Variants in IL34 observed in about 807,000 individuals in gnomAD.
IL34 encodes interleukin-34.
A neutral mutation model predicts 25.3 loss-of-function variants in IL34; 17 were observed. That is an observed-to-expected ratio of 0.67 (90% confidence interval 0.46 to 1.01). The LOEUF (loss-of-function observed/expected upper bound fraction) is 1.01. IL34 is among the 50% of genes least tolerant of loss of function. The pLI is 0.00. For synonymous variants in IL34, 174 were observed against 140.9 expected (o/e 1.23, Z -1.66); for missense variants, 368 against 312.9 (o/e 1.18, Z -1.33).
At chr16:70,621,567 A>T (rs987139304) in intron 1 of IL34, among the ~76,000 whole-genome samples, 2 of 152,022 alleles carry the variant, frequency 1.3e-5, no homozygotes, top group African/African-American at 4.8e-5. Flanking sequence ...CAGGGGATTG[A>T]TCTCCCAAGG....
At chr16:70,647,086 C>A in intron 1 of IL34, 111 bp downstream of exon 1, 1 of 988,526 alleles carries the variant, frequency 1.0e-6, no homozygotes, top group Non-Finnish European at 1.4e-6. Flanking sequence ...AGTTGCGATG[C>A]TTCCCAGCCG....
intron 1 of IL34, among the ~76,000 whole-genome samples, chr16:70,599,930 T>G (rs2050890805): frequency 6.6e-6 from 1 of 151,998 alleles, no homozygotes; most frequent in African/African-American, 2.4e-5. Context: ...TGCTCCCACC[T>G]CGGCTTCTCA....
At position 70,588,346 on chromosome 16, in the gene IL34, T is replaced by C. The variant is rs190562479; in HGVS notation, c.-401+8297T>C. On this transcript the variant is annotated intron_variant, in intron 1 of 6. Coordinates refer to the IL34 transcript ENST00000429149. ...CCATATCTACTAAAAATACAAAAATTAGCCAGGCGTGGTGGCACATGTCTG... is the reference window on the plus strand; with the variant it reads ...CCATATCTACTAAAAATACAAAAATCAGCCAGGCGTGGTGGCACATGTCTG... 2.0e-3 allele frequency among the ~76,000 whole-genome samples: 298 copies of C among 151,912 alleles called. 2 individuals are homozygous for C. Among genetic ancestry groups the C allele is most frequent in the South Asian group, 7.9e-3 (38 of 4,804 alleles).
Position 70,620,529 on chromosome 16 carries a change from G to A in IL34, c.-400-26019G>A, listed in dbSNP as rs536759173. On this transcript the variant is annotated intron_variant, in intron 1 of 6. Transcript: ENST00000429149. ...CTGGCGAGGAGGGGAGAGGTCAGATGGGTCTGTAGAAAAGGAAGATTAGAA... is the reference window on the plus strand; with the variant it reads ...CTGGCGAGGAGGGGAGAGGTCAGATAGGTCTGTAGAAAAGGAAGATTAGAA... 8.7e-4 allele frequency among the ~76,000 whole-genome samples: 132 copies of A among 152,206 alleles called. 3 individuals carry two copies. Among genetic ancestry groups the A allele is most frequent in the Admixed American group, 8.6e-3 (131 of 15,270 alleles).
At chr16:70,614,113 G>T (rs1279012847) in intron 1 of IL34, among the ~76,000 whole-genome samples, 1 of 151,016 alleles carries the variant, frequency 6.6e-6, no homozygotes, top group East Asian at 1.9e-4. Flanking sequence ...GAACCCAGGA[G>T]TCTGAGGCTG....
intron 1 of IL34, among the ~76,000 whole-genome samples, chr16:70,624,249 C>A (rs2051342788): frequency 6.6e-6 from 1 of 151,790 alleles, no homozygotes; most frequent in South Asian, 2.1e-4. Context: ...GTGTAGCAAG[C>A]TCCTGGGGAA....
At chr16:70,599,026 A>T (rs1428260363) in intron 1 of IL34, among the ~76,000 whole-genome samples, 1 of 152,224 alleles carries the variant, frequency 6.6e-6, no homozygotes, top group Admixed American at 6.5e-5. Flanking sequence ...GTAAGATGTT[A>T]TCTCATGTTC....
At chr16:70,642,271 A>G (rs1416858333), upstream of IL34, among the ~76,000 whole-genome samples, 1 of 148,534 alleles carries the variant, frequency 6.7e-6, no homozygotes, top group Non-Finnish European at 1.5e-5. Flanking sequence ...ACAGAGACAG[A>G]GAGAGTGAGC....
At chr16:70,603,599 G>T (rs2050953163) in intron 1 of IL34, among the ~76,000 whole-genome samples, 2 of 152,212 alleles carry the variant, frequency 1.3e-5, no homozygotes, top group Middle Eastern at 6.8e-3. Flanking sequence ...TAGTGTCAGG[G>T]TCTCACTCTG....
intron 1 of IL34, among the ~76,000 whole-genome samples, chr16:70,611,915 G>A (rs2051096901): frequency 6.6e-6 from 1 of 152,204 alleles, no homozygotes; most frequent in East Asian, 1.9e-4. Context: ...TTCGGGAGGA[G>A]CAGGAGGATT....
chr16:70,591,004 G>A (rs972339027), intron 1 of IL34, among the ~76,000 whole-genome samples: 1 of 152,196 alleles, frequency 6.6e-6, no homozygotes, highest in African/African-American at 2.4e-5. Flanking sequence ...ACCCGGCCCC[G>A]GCCCCAGCCT....
At chr16:70,619,288 G>T (rs986679562) in intron 1 of IL34, among the ~76,000 whole-genome samples, 5 of 152,126 alleles carry the variant, frequency 3.3e-5, no homozygotes, top group Non-Finnish European at 7.4e-5. Context: ...GCCAAGGAGG[G>T]AGTAGAGGTA....
chr16:70,595,458 C>A (rs897819094), intron 1 of IL34, among the ~76,000 whole-genome samples: 1 of 152,014 alleles, frequency 6.6e-6, no homozygotes, highest in Non-Finnish European at 1.5e-5. Flanking sequence ...GTAGCTGGAC[C>A]ACAGGTGTGC....
chr16:70,658,475 T>G (rs955308561), intron 4 of IL34, among the ~76,000 whole-genome samples: 4 of 151,158 alleles, frequency 2.6e-5, no homozygotes, highest in Non-Finnish European at 5.9e-5. Flanking sequence ...CTGCCTGGCC[T>G]CTGTGGTGGC....
At chr16:70,643,598 G>A (rs1230144845), upstream of IL34, among the ~76,000 whole-genome samples, 1 of 152,074 alleles carries the variant, frequency 6.6e-6, no homozygotes, top group Non-Finnish European at 1.5e-5. Context: ...TGGTCTCAAA[G>A]CCCTGGGCTG....
At chr16:70,624,838 G>T (rs1308176428) in intron 1 of IL34, among the ~76,000 whole-genome samples, 1 of 151,584 alleles carries the variant, frequency 6.6e-6, no homozygotes, top group East Asian at 1.9e-4. Flanking sequence ...GAGAGGAGGG[G>T]AGAGGTCAGA....
intron 1 of IL34, among the ~76,000 whole-genome samples, chr16:70,610,203 G>GA (rs532430858): frequency 0.016 from 1,869 of 117,892 alleles, 23 homozygotes; most frequent in Admixed American, 0.037. Context: ...CTCTATCTCA[G>GA]AAAAAAAAAA....
chr16:70,657,203 A>G, intron 4 of IL34, 82 bp downstream of exon 4: 2 of 1,426,078 alleles, frequency 1.4e-6, no homozygotes, highest in African/African-American at 1.4e-5. Context: ...GCCAAAGGCT[A>G]GTGAGGGAAA....
chr16:70,602,983 C>T (rs1164770312), intron 1 of IL34, among the ~76,000 whole-genome samples: 2 of 152,160 alleles, frequency 1.3e-5, no homozygotes, highest in African/African-American at 4.8e-5. Flanking sequence ...GTAGCACCAT[C>T]TCTGTGGCCC....
Sources: gnomAD v4.1 joint callset for allele counts (sites outside exome capture counted in the v4.1 genomes callset) on GRCh38, gnomAD v4.1.1 for gene constraint, MANE v1.5 for transcripts, NCBI Gene and HGNC (gene_info 2026-07-23, HGNC 2026-07-21) for gene names.